Variants in SPTBN1 observed in about 807,000 individuals in gnomAD.
SPTBN1 encodes spectrin beta, non-erythrocytic 1.
SPTBN1 carries 32 observed loss-of-function variants against 266.4 expected under a neutral mutation model. That is an observed-to-expected ratio of 0.12 (90% CI 0.09 to 0.16). The LOEUF (loss-of-function observed/expected upper bound fraction) is 0.16. Among genes scored for constraint, SPTBN1 ranks in the 10% least tolerant of loss-of-function variants. The probability of loss-of-function intolerance (pLI) is 1.00; values close to 1 mark genes in which losing one functional copy is unlikely to be tolerated. For missense variants in SPTBN1, 2,296 were observed against 3,067.1 expected, an observed-to-expected ratio of 0.75 and a Z score of 5.94; for synonymous variants, 1,336 against 1,162.2, an observed-to-expected ratio of 1.15 and a Z score of -3.04.
chr2:54,472,807 G>A (rs1366166775), intron 1 of SPTBN1, among the ~76,000 whole-genome samples: 1 of 152,138 alleles, frequency 6.6e-6, no homozygotes, highest in Non-Finnish European at 1.5e-5. Flanking sequence ...ATGATTGGAA[G>A]TAAACTAAGA....
intron 2 of SPTBN1, among the ~76,000 whole-genome samples, chr2:54,597,866 C>CTTTTT (rs531763576): frequency 1.9e-4 from 16 of 82,202 alleles, no homozygotes; most frequent in Non-Finnish European, 3.2e-4. Context: ...GAGCTATCTG[C>CTTTTT]TTTTTTTTTT....
chr2:54,635,923 A>C (rs1315625776), intron 17 of SPTBN1, among the ~76,000 whole-genome samples: 8 of 152,176 alleles, frequency 5.3e-5, no homozygotes. Flanking sequence ...TTTTAGCCCA[A>C]ATTCACTAAC....
intron 1 of SPTBN1, among the ~76,000 whole-genome samples, chr2:54,500,843 C>T (rs187675145): frequency 1.2e-3 from 185 of 152,238 alleles, no homozygotes; most frequent in Non-Finnish European, 1.5e-3. Context: ...TGGCTGGCTG[C>T]GCATTTTAAA....
intron 26 of SPTBN1, among the ~76,000 whole-genome samples, chr2:54,650,403 G>A (rs903228003): frequency 6.6e-6 from 1 of 152,142 alleles, no homozygotes; most frequent in East Asian, 1.9e-4. Context: ...ATCATGCCTC[G>A]TCCCCAGTAT....
At chr2:54,523,376 T>C (rs570504894) in intron 1 of SPTBN1, among the ~76,000 whole-genome samples, 25 of 152,320 alleles carry the variant, frequency 1.6e-4, no homozygotes, top group East Asian at 7.7e-4. Flanking sequence ...AGAGCAGAGA[T>C]GGGTGACAGT....
Position 54,646,082 on chromosome 2 carries a change from A to T in SPTBN1, c.4584+65A>T. On this transcript the variant is annotated intron_variant, in intron 22 of 35. Transcript: ENST00000356805. This position sits in a 1 kb window ranked among gnomAD's most constrained non-coding sequence, Gnocchi z 4.4. ...ATTGCTCTAAATTATGAGACTGGGA[A>T]TGGCAGAGAGCTTTGAAGCCTTGCT... 1 of 1,611,864 alleles carries T rather than the reference A, an allele frequency of 6.2e-7. No individual in the cohort carries two copies.
chr2:54,628,094 C>T lies in SPTBN1; in HGVS notation c.1645-3C>T. ...TGTCCTTTTGGTTGCTTCTTGTGCACAGGTGCTAGTATTGTCTCAAGACTA... is the reference window on the plus strand; with the variant it reads ...TGTCCTTTTGGTTGCTTCTTGTGCATAGGTGCTAGTATTGTCTCAAGACTA... On this transcript the variant is annotated splice_region_variant and splice_polypyrimidine_tract_variant and intron_variant, in intron 12 of 35. Coordinates refer to ENST00000356805, the MANE Select transcript of SPTBN1 (RefSeq NM_003128.3). The surrounding 1 kb of genome is among the most constrained non-coding windows in gnomAD (Gnocchi z 4.3). 1 of 1,606,124 alleles carries T rather than the reference C, an allele frequency of 6.2e-7. No individual in the cohort carries two copies. Among genetic ancestry groups the T allele is most frequent in the Non-Finnish European group, 8.5e-7 (1 of 1,176,260 alleles).
At position 54,457,157 on chromosome 2, in the gene SPTBN1, C is replaced by CCCG. The variant is rs1553425472; in HGVS notation, c.-48+641_-48+642insGCC. ...GCTTGCTACCCTCGTGCGCCCGCCC[C>CCCG]CCCCCCGCCCTTTCTGCCGTCCCCA... On this transcript the variant is annotated intron_variant, in intron 1 of 35. Coordinates refer to ENST00000356805, the MANE Select transcript of SPTBN1 (RefSeq NM_003128.3). The CCCG allele has an allele frequency of 2.3e-5, 3 of 130,476 alleles. 1 individual carries two copies. The highest frequency in any genetic ancestry group is 8.4e-5 in the African/African-American group (3 of 35,654). 8.1% of individuals were successfully genotyped at this position (130,476 alleles called of 1,614,324 possible). A position where few individuals can be genotyped will look rare whatever the true frequency, so the allele number is the denominator to read the frequency against.
intron 3 of SPTBN1, among the ~76,000 whole-genome samples, chr2:54,608,786 C>G (rs1364289545): frequency 4.6e-5 from 7 of 152,046 alleles, no homozygotes; most frequent in Non-Finnish European, 1.0e-4. Flanking sequence ...GAAAATCTTC[C>G]TATGCATTTG....
intron 1 of SPTBN1, among the ~76,000 whole-genome samples, chr2:54,480,179 A>G (rs892182006): frequency 3.3e-5 from 5 of 152,176 alleles, no homozygotes; most frequent in African/African-American, 1.2e-4. Context: ...ACACTCATTT[A>G]TCAGGTTGTG....
intron 1 of SPTBN1, among the ~76,000 whole-genome samples, chr2:54,493,613 G>C (rs905882479): frequency 1.3e-5 from 2 of 152,040 alleles, no homozygotes; most frequent in Non-Finnish European, 2.9e-5. Context: ...TGTTGGCCCG[G>C]CTAGTCTTGA....
At chr2:54,557,383 G>C (rs1395103758) in intron 2 of SPTBN1, among the ~76,000 whole-genome samples, 2 of 150,518 alleles carry the variant, frequency 1.3e-5, no homozygotes, top group Admixed American at 1.3e-4. Flanking sequence ...TGTTTAGGTA[G>C]TGAGGAAAAA....
chr2:54,587,171 C>T (rs890497178), intron 2 of SPTBN1, among the ~76,000 whole-genome samples: 1 of 152,142 alleles, frequency 6.6e-6, no homozygotes, highest in Non-Finnish European at 1.5e-5. Flanking sequence ...TCTGCTTTAT[C>T]CAAGGCTCCT....
chr2:54,655,302 A>C, intron 28 of SPTBN1, 94 bp downstream of exon 28: 2 of 1,454,284 alleles, frequency 1.4e-6, no homozygotes, highest in South Asian at 2.6e-5. Context: ...TACTGTGTTT[A>C]CATTCTTATA....
intron 3 of SPTBN1, among the ~76,000 whole-genome samples, chr2:54,606,275 CTTAACT>C (rs1558420881): frequency 6.6e-6 from 1 of 152,174 alleles, no homozygotes; most frequent in Admixed American, 6.5e-5. Flanking sequence ...TATTCTCTTC[CTTAACT>C]TCTCATAATA....
At position 54,628,945 on chromosome 2, in the gene SPTBN1, G is replaced by A. The variant is rs754636354; in HGVS notation, c.1811G>A (p.Cys604Tyr). The A allele has an allele frequency of 3.7e-6, 6 of 1,601,844 alleles. No individual in the cohort carries two copies. The Admixed American group carries it at 1.0e-4, about 27-fold the overall frequency. ...TGATGTTAAACAGGTTACAAGCCCT[G>A]TGACCCCCAGGTGATCCGAGACCGC... The part of the protein sequence containing the change: ...FATDGEGYKP[C>Y]DPQVIRDRVA... The change falls in exon 14 of 36, where the codon TGT becomes TAT. Residue 604 changes from cysteine (C) to tyrosine (Y), a missense_variant. Transcript: ENST00000356805. The surrounding 1 kb of genome is among the most constrained non-coding windows in gnomAD (Gnocchi z 4.3).
intron 2 of SPTBN1, among the ~76,000 whole-genome samples, chr2:54,584,647 G>A (rs576337694): frequency 6.6e-6 from 1 of 152,130 alleles, no homozygotes; most frequent in Non-Finnish European, 1.5e-5. Flanking sequence ...TAAGTTTCCA[G>A]CCCTTCCCAC....
intron 1 of SPTBN1, among the ~76,000 whole-genome samples, chr2:54,523,452 G>A (rs1670608660): frequency 1.3e-5 from 2 of 152,162 alleles, no homozygotes; most frequent in Admixed American, 1.3e-4. Context: ...GGAACATGTG[G>A]GGTGTGTTGG....
In SPTBN1 at chr2:54,466,741, C is replaced by A. The variant is rs116067119; in HGVS notation, c.-48+10223C>A. Among the ~76,000 whole-genome samples, 980 of 152,010 alleles carry A rather than the reference C, an allele frequency of 6.4e-3. 13 individuals are homozygous for A. The highest frequency in any genetic ancestry group is 0.023 in the African/African-American group (952 of 41,462). ...TTTTAGGAAATAACAAATTCTTGTT[C>A]TTTATCAAAAATATCCTAACACTTC... On this transcript the variant is annotated intron_variant, in intron 1 of 35. Transcript: ENST00000356805.
Sources: gnomAD v4.1 joint callset for allele counts (sites outside exome capture counted in the v4.1 genomes callset) on GRCh38, gnomAD v4.1.1 for gene constraint, Gnocchi (gnomAD v3.1) non-coding constraint, MANE v1.5 for transcripts, NCBI Gene and HGNC (gene_info 2026-07-23, HGNC 2026-07-21) for gene names.